The following ZNF836 variants were observed in gnomAD, a reference collection of about 807,000 sequenced individuals.
The protein encoded by ZNF836 is zinc finger protein 836.
ZNF836 carries 12 observed loss-of-function variants against 7.4 expected under a neutral mutation model. The observed-to-expected ratio is 1.61, with a 90% CI of 1.03 to 2.61. The LOEUF (loss-of-function observed/expected upper bound fraction) is 2.61, where lower values mean the gene tolerates loss of function less well. ZNF836 is among the 30% of genes most tolerant of loss of function. The probability of loss-of-function intolerance (pLI) is 0.00; values close to 1 mark genes in which losing one functional copy is unlikely to be tolerated. For missense variants in ZNF836, 998 were observed against 1,126.2 expected, an observed-to-expected ratio of 0.89 and a Z score of 1.63; for synonymous variants, 365 against 382.6, an observed-to-expected ratio of 0.95 and a Z score of 0.54.
Position 52,155,012 on chromosome 19 carries a change from T to G in ZNF836, c.2671A>C (p.Lys891Gln). The G allele has an allele frequency of 6.2e-7, 1 of 1,613,974 alleles. No individual in the cohort carries two copies. The highest frequency in any genetic ancestry group is 2.2e-5 in the East Asian group (1 of 44,878). Residue 891 changes from lysine to glutamine, a missense_variant, in exon 5 of 5, where the codon AAA becomes CAA. Physicochemically the swap from Lys to Gln is moderately conservative, Grantham distance 53. Coordinates refer to ENST00000682614, the MANE Select transcript of ZNF836 (RefSeq NM_001102657.3). ...AAAGATTTGCCACACTCATTACATT[T>G]ATAAGGTTTTTCTCCAGAATGAATC... Reference protein sequence around the residue: ...QMIHSGEKPYKCNECGKSFIS... With the variant: ...QMIHSGEKPYQCNECGKSFIS...
chr19:52,157,284 T>A lies in ZNF836; in HGVS notation c.399A>T (p.Glu133Asp). ...KRGQHSQEDVENKCIENQLTL... is the reference protein window; with the variant it reads ...KRGQHSQEDVDNKCIENQLTL... ...TAAGCTGATTTTCAATACATTTGTT[T>A]TCTACATCCTCTTGACTATGTTGAC... Residue 133 changes from glutamate (E) to aspartate (D), a missense_variant, in exon 5 of 5, where the codon GAA becomes GAT. Transcript: ENST00000682614. 1 of 1,605,572 alleles carries A rather than the reference T, an allele frequency of 6.2e-7. No homozygotes were observed. Among genetic ancestry groups the A allele is most frequent in the Non-Finnish European group, 8.5e-7 (1 of 1,174,780 alleles).
At chr19:52,157,860 C>T (rs866452606) in intron 4 of ZNF836, among the ~76,000 whole-genome samples, 37 of 152,026 alleles carry the variant, frequency 2.4e-4, no homozygotes, top group African/African-American at 7.5e-4. Context: ...TGAGCCACTG[C>T]GCCTGGCCGA....
chr19:52,165,043 T>A (rs571694255), intron 3 of ZNF836: 23 of 152,292 alleles, frequency 1.5e-4, no homozygotes, highest in Non-Finnish European at 2.9e-4. Context: ...TTGGCCCAGA[T>A]CATGCCACTG....
rs2089306367 is a variant in ZNF836, at chr19:52,171,332, T to G, written c.-215+4A>C. 1 of 152,440 alleles carries G rather than the reference T, an allele frequency of 6.6e-6. No homozygotes were observed. Among genetic ancestry groups the G allele is most frequent in the South Asian group, 2.1e-4 (1 of 4,838 alleles). The allele number at this position is 152,440 out of a possible 1,614,324, so 9.4% of individuals were successfully genotyped here. A position where few individuals can be genotyped will look rare whatever the true frequency, so the allele number is the denominator to read the frequency against. On this transcript the variant is annotated splice_donor_region_variant and intron_variant, in intron 1 of 4. Coordinates refer to ENST00000682614, the MANE Select transcript of ZNF836 (RefSeq NM_001102657.3). ...ACCGAAAGGGAAGCAATTATCAGAC[T>G]TACTTGGGGCGAAGGGGCTGTTGCT...
chr19:52,166,335 A>G (rs1173609110), intron 3 of ZNF836, among the ~76,000 whole-genome samples: 1 of 151,956 alleles, frequency 6.6e-6, no homozygotes, highest in Admixed American at 6.6e-5. Context: ...CATAAAACTG[A>G]AATGTTTCCT....
At chr19:52,165,589 A>G (rs1244603772) in intron 3 of ZNF836, among the ~76,000 whole-genome samples, 2 of 152,196 alleles carry the variant, frequency 1.3e-5, no homozygotes, top group African/African-American at 2.4e-5. Context: ...CCCCACAGAA[A>G]CATGAGGGAT....
intron 2 of ZNF836, among the ~76,000 whole-genome samples, chr19:52,168,754 A>T (rs562778219): frequency 2.7e-4 from 41 of 151,984 alleles, no homozygotes; most frequent in Non-Finnish European, 5.3e-4. Flanking sequence ...TTGCAACAAC[A>T]TGGATGAACC....
At chr19:52,166,822 G>A (rs781415311) in intron 3 of ZNF836, among the ~76,000 whole-genome samples, 21 of 150,972 alleles carry the variant, frequency 1.4e-4, no homozygotes, top group Admixed American at 2.6e-4. Context: ...CTCGTGATCC[G>A]CCCGCCTCGG....
chr19:52,164,955 T>C (rs1367032858), intron 3 of ZNF836, among the ~76,000 whole-genome samples: 1 of 152,024 alleles, frequency 6.6e-6, no homozygotes, highest in Non-Finnish European at 1.5e-5. Context: ...CTGGGTATGG[T>C]GGTGAGTGCC....
chr19:52,157,659 C>G, intron 4 of ZNF836, 119 bp from the exon 5 acceptor site: 1 of 958,606 alleles, frequency 1.0e-6, no homozygotes. Flanking sequence ...TGACCTCCAC[C>G]TCCTGGGTTC....
chr19:52,155,620 T>C lies in ZNF836; in HGVS notation c.2063A>G (p.His688Arg). The C allele has an allele frequency of 1.2e-6, 2 of 1,614,158 alleles. No homozygotes were observed. Among genetic ancestry groups the C allele is most frequent in the Non-Finnish European group, 1.7e-6 (2 of 1,180,000 alleles). ...ACAATTGTAAGGTTTCTCTCCAGTA[T>C]GAATTATCAGATGTTTAGTGAGGCT... Reference protein sequence around the residue: ...RSSLTKHLIIHTGEKPYNCNE... With the variant: ...RSSLTKHLIIRTGEKPYNCNE... Residue 688 changes from histidine to arginine, a missense_variant, in exon 5 of 5, where the codon CAT (histidine) becomes CGT (arginine). Physicochemically the swap from His to Arg is conservative, Grantham distance 29. Transcript: ENST00000682614.
At chr19:52,160,739 A>C in intron 3 of ZNF836, 148 bp from the exon 4 acceptor site, 1 of 956,394 alleles carries the variant, frequency 1.0e-6, no homozygotes, top group Non-Finnish European at 1.5e-6. Context: ...TGTGTCCCTA[A>C]TTTAAGTTTG....
chr19:52,158,484 C>A (rs1301800772), intron 4 of ZNF836, among the ~76,000 whole-genome samples: 2 of 152,066 alleles, frequency 1.3e-5, no homozygotes, highest in Non-Finnish European at 2.9e-5. Context: ...GTGGCTCACA[C>A]CTGTAATCCC....
intron 3 of ZNF836, among the ~76,000 whole-genome samples, chr19:52,164,607 A>G (rs952665719): frequency 2.0e-5 from 3 of 152,336 alleles, no homozygotes; most frequent in African/African-American, 7.2e-5. Flanking sequence ...CAGTGAACTC[A>G]AAGGGGATTT....
chr19:52,162,895 T>C (rs2089225636), intron 3 of ZNF836, among the ~76,000 whole-genome samples: 1 of 152,138 alleles, frequency 6.6e-6, no homozygotes, highest in Non-Finnish European at 1.5e-5. Context: ...TAGCCTCCAG[T>C]GGAATGCTAA....
intron 2 of ZNF836, among the ~76,000 whole-genome samples, chr19:52,168,756 G>A (rs2089286490): frequency 6.6e-6 from 1 of 152,154 alleles, no homozygotes; most frequent in Non-Finnish European, 1.5e-5. Context: ...GCAACAACAT[G>A]GATGAACCAT....
intron 3 of ZNF836, among the ~76,000 whole-genome samples, chr19:52,164,749 C>T (rs2089247283): frequency 6.6e-6 from 1 of 152,138 alleles, no homozygotes; most frequent in Non-Finnish European, 1.5e-5. Flanking sequence ...ATATATATAA[C>T]ATTACTTAAC....
At position 52,155,355 on chromosome 19, in the gene ZNF836, T is replaced by A; in HGVS notation, c.2328A>T (p.Lys776Asn). 1 of 1,613,858 alleles carries A rather than the reference T, an allele frequency of 6.2e-7. No individual in the cohort carries two copies. The highest frequency in any genetic ancestry group is 8.5e-7 in the Non-Finnish European group (1 of 1,179,956). Residue 776 changes from lysine to asparagine, a missense_variant, in exon 5 of 5, where the codon AAA (lysine) becomes AAT (asparagine). Lys to Asn is a moderately conservative substitution (Grantham distance 94, BLOSUM62 0). Coordinates refer to ENST00000682614, the MANE Select transcript of ZNF836 (RefSeq NM_001102657.3). ...ARHRRIHTGE[K>N]PYKCNECGKV... is the part of the protein sequence containing the mutation. ...TGCCACATTCATTACATTTGTAAGG[T>A]TTCTCTCCAGTGTGAATTCTCCGAT...
Position 52,155,700 on chromosome 19 carries a change from G to A in ZNF836, c.1983C>T (p.Thr661=), listed in dbSNP as rs554321287. The A allele has an allele frequency of 4.5e-5, 72 of 1,613,176 alleles. No homozygotes were observed. The highest frequency in any genetic ancestry group is 1.8e-4 in the South Asian group (16 of 90,986). ...CATTACATTTGTAAGGTTTCTCTCC[G>A]GTATGAATTTTCCGATGACGTGCTA... ...SCLARHRKIH[T]GEKPYKCNDC... is the part of the protein sequence containing the mutation. Residue 661 remains threonine (T), a synonymous_variant, in exon 5 of 5, where the codon ACC becomes ACT. Transcript: ENST00000682614.
Sources: gnomAD v4.1 joint callset for allele counts (sites outside exome capture counted in the v4.1 genomes callset) on GRCh38, gnomAD v4.1.1 for gene constraint, MANE v1.5 for transcripts, NCBI Gene and HGNC (gene_info 2026-07-23, HGNC 2026-07-21) for gene names.